NBAS: variants seen among roughly 807,000 people sequenced by gnomAD.
NBAS encodes NBAS subunit of NRZ tethering complex.
Under a neutral mutation model 302.5 loss-of-function variants are expected in NBAS, and 219 were observed. The observed-to-expected ratio is 0.72, with a 90% CI of 0.65 to 0.81. NBAS has a LOEUF of 0.81. Among genes scored for constraint, NBAS ranks in the 30% least tolerant of loss-of-function variants. The pLI, the probability that NBAS is intolerant of heterozygous loss-of-function variation, is 0.00. For missense variants in NBAS, 2,932 were observed against 2,841.6 expected, an observed-to-expected ratio of 1.03 and a Z score of -0.72; for synonymous variants, 1,118 against 1,021.6, an observed-to-expected ratio of 1.09 and a Z score of -1.80.
In NBAS at chr2:15,468,544, AG is replaced by A; in HGVS notation, c.1726-12del. The A allele has an allele frequency of 6.2e-7, 1 of 1,613,514 alleles. No individual in the cohort carries two copies. The highest frequency in any genetic ancestry group is 8.5e-7 in the Non-Finnish European group (1 of 1,179,490). On this transcript the variant is annotated splice_polypyrimidine_tract_variant and intron_variant, in intron 16 of 51. Transcript: ENST00000281513. ...CTTCTTTATTTTACTCTGCATATAA[AG>A]GAAGAAACAGAGGAATTACAGAATC...
chr2:15,510,897 TA>T (rs1414105033), intron 10 of NBAS, among the ~76,000 whole-genome samples: 2 of 152,170 alleles, frequency 1.3e-5, no homozygotes, highest in Middle Eastern at 3.2e-3. Context: ...GCACTCCAAA[TA>T]GCTGCCAACA....
the NBAS span, among the ~76,000 whole-genome samples, chr2:15,087,258 C>CA: frequency 9.4e-3 from 1,233 of 131,352 alleles, 23 homozygotes; most frequent in African/African-American, 0.041. Flanking sequence ...ACACACACAC[C>CA]CCATATTGGT....
At chr2:15,393,796 C>T (rs1675729865) in intron 28 of NBAS, 1 of 456,686 alleles carries the variant, frequency 2.2e-6, no homozygotes, top group Non-Finnish European at 4.5e-6. Flanking sequence ...ATTCATGACA[C>T]AACATGGATG....
intron 26 of NBAS, among the ~76,000 whole-genome samples, chr2:15,399,396 C>G (rs968415233): frequency 2.0e-5 from 3 of 152,070 alleles, no homozygotes; most frequent in African/African-American, 7.2e-5. Flanking sequence ...ACACTGATAG[C>G]CTTTGGGTTG....
chr2:15,020,999 AG>A, the NBAS span, among the ~76,000 whole-genome samples: 1 of 152,146 alleles, frequency 6.6e-6, no homozygotes, highest in African/African-American at 2.4e-5. Flanking sequence ...TGGTAGGCCG[AG>A]GCTGGTGGAT....
At chr2:15,219,500 C>T (rs1666828336) in intron 47 of NBAS, among the ~76,000 whole-genome samples, 2 of 134,080 alleles carry the variant, frequency 1.5e-5, no homozygotes, top group Admixed American at 1.5e-4. Context: ...TCCCTGGGTA[C>T]TTAAGATTAG....
the NBAS span, among the ~76,000 whole-genome samples, chr2:14,984,294 T>C: frequency 6.6e-6 from 1 of 152,116 alleles, no homozygotes; most frequent in South Asian, 2.1e-4. Context: ...ACTACCTCCT[T>C]ATGGGCACTG....
intron 16 of NBAS, among the ~76,000 whole-genome samples, chr2:15,471,199 G>A (rs996877388): frequency 7.2e-5 from 11 of 152,046 alleles, no homozygotes; most frequent in Admixed American, 6.6e-4. Context: ...ATGAACTCAT[G>A]AGCTCATTGT....
the NBAS span, among the ~76,000 whole-genome samples, chr2:15,060,899 T>C: frequency 1.3e-5 from 2 of 152,166 alleles, no homozygotes; most frequent in African/African-American, 4.8e-5. Flanking sequence ...AAAATTGGTA[T>C]AGCTGTCAGA....
chr2:14,922,445 A>G, the NBAS span, among the ~76,000 whole-genome samples: 6 of 152,208 alleles, frequency 3.9e-5, no homozygotes, highest in Non-Finnish European at 8.8e-5. Context: ...TAAAGGCTGG[A>G]AGTTCAAAGT....
intron 48 of NBAS, among the ~76,000 whole-genome samples, chr2:15,211,757 C>A (rs1437513381): frequency 6.6e-6 from 1 of 152,090 alleles, no homozygotes; most frequent in East Asian, 1.9e-4. Context: ...AAAGAGTACC[C>A]AGAGATGGTG....
chr2:15,032,429 T>C, the NBAS span, among the ~76,000 whole-genome samples: 51 of 152,236 alleles, frequency 3.4e-4, no homozygotes, highest in African/African-American at 1.1e-3. Context: ...CCAATTTTAT[T>C]TATGTTCCAG....
the NBAS span, among the ~76,000 whole-genome samples, chr2:15,123,554 CT>C: frequency 5.3e-5 from 8 of 152,106 alleles, no homozygotes; most frequent in African/African-American, 1.9e-4. Context: ...GGGCAGATCC[CT>C]CATGAATGGC....
At chr2:15,220,861 T>C (rs968130934) in intron 47 of NBAS, among the ~76,000 whole-genome samples, 75 of 152,356 alleles carry the variant, frequency 4.9e-4, no homozygotes, top group Admixed American at 4.9e-3. Context: ...ACAAGTCTTT[T>C]TTTTTTAACT....
At chr2:15,521,170 C>T (rs1662652077) in intron 9 of NBAS, among the ~76,000 whole-genome samples, 1 of 152,104 alleles carries the variant, frequency 6.6e-6, no homozygotes, top group South Asian at 2.1e-4. Context: ...AATCTTATGG[C>T]ATTACTATAT....
chr2:14,895,177 G>A, the NBAS span, among the ~76,000 whole-genome samples: 1 of 152,178 alleles, frequency 6.6e-6, no homozygotes, highest in East Asian at 1.9e-4. Flanking sequence ...TAAAGAGAGG[G>A]AAGGATCCAG....
the NBAS span, among the ~76,000 whole-genome samples, chr2:14,976,639 A>G: frequency 6.6e-6 from 1 of 152,216 alleles, no homozygotes; most frequent in East Asian, 1.9e-4. Context: ...TGTGAATGTG[A>G]CTTTATTTGA....
rs529014837 is a variant in NBAS, at chr2:15,443,741, T to A, written c.2340-15947A>T. Reference sequence around the variant, plus strand: ...CCTGTTTGCAGACGACATGATTGTGTATCTAGAAAACCCCACTGTCTCAGC... The same window carrying A: ...CCTGTTTGCAGACGACATGATTGTGAATCTAGAAAACCCCACTGTCTCAGC... On this transcript the variant is annotated intron_variant, in intron 21 of 51. Transcript: ENST00000281513. Among the ~76,000 whole-genome samples, 237 of 151,516 alleles carry A rather than the reference T, an allele frequency of 1.6e-3. 4 individuals carry two copies. The highest frequency in any genetic ancestry group is 5.6e-3 in the African/African-American group (230 of 41,210).
At chr2:15,245,660 C>T (rs144698995) in intron 44 of NBAS, among the ~76,000 whole-genome samples, 28 of 151,110 alleles carry the variant, frequency 1.9e-4, no homozygotes, top group African/African-American at 5.9e-4. Context: ...GACGGACGGA[C>T]GGATGGATGG....
Sources: gnomAD v4.1 joint callset for allele counts (sites outside exome capture counted in the v4.1 genomes callset) on GRCh38, gnomAD v4.1.1 for gene constraint, MANE v1.5 for transcripts, NCBI Gene and HGNC (gene_info 2026-07-23, HGNC 2026-07-21) for gene names.